ISOC1: variants seen among roughly 807,000 people sequenced by gnomAD.
The protein encoded by ISOC1 is isochorismatase domain containing 1, also known as isochorismatase domain-containing protein 1.
In ISOC1, 33 loss-of-function variants were observed where a neutral mutation model predicts 30.0. That is an observed-to-expected ratio of 1.10 (90% CI 0.83 to 1.47). The LOEUF (loss-of-function observed/expected upper bound fraction) is 1.47. Among genes scored for constraint, ISOC1 ranks in the 40% most tolerant of loss-of-function variants. ISOC1 has a pLI of 0.00. For synonymous variants in ISOC1, 178 were observed against 159.8 expected (o/e 1.11, Z -0.86); for missense variants, 372 against 388.0 (o/e 0.96, Z 0.35).
chr5:129,105,669 G>A (rs911488852), intron 3 of ISOC1, among the ~76,000 whole-genome samples: 1 of 152,120 alleles, frequency 6.6e-6, no homozygotes, highest in Non-Finnish European at 1.5e-5. Context: ...TTGAATGTAT[G>A]TAAGCTGATT....
intron 3 of ISOC1, 41 bp downstream of exon 3, chr5:129,105,429 T>C (rs1753624817): frequency 6.6e-7 from 1 of 1,509,818 alleles, no homozygotes. Flanking sequence ...ATATTATTTA[T>C]AGAAAACTCA....
chr5:129,095,517 T>G (rs1207821847), intron 1 of ISOC1, among the ~76,000 whole-genome samples: 9 of 152,174 alleles, frequency 5.9e-5, no homozygotes, highest in Non-Finnish European at 1.3e-4. Context: ...TTCCTAGAGT[T>G]GTGTTAACCA....
chr5:129,095,569 C>T (rs950662926), intron 1 of ISOC1, among the ~76,000 whole-genome samples: 6 of 152,344 alleles, frequency 3.9e-5, no homozygotes, highest in Admixed American at 6.5e-5. Context: ...CCATTCCCCC[C>T]CGCCTTCCCA....
chr5:129,106,040 A>G (rs1320725390), intron 3 of ISOC1, among the ~76,000 whole-genome samples: 1 of 152,188 alleles, frequency 6.6e-6, no homozygotes, highest in Non-Finnish European at 1.5e-5. Context: ...GTAGAAAGAT[A>G]TTTCCTCAGG....
At chr5:129,101,192 A>AAAATATATAT (rs1554064627) in intron 1 of ISOC1, among the ~76,000 whole-genome samples, 40 of 42,172 alleles carry the variant, frequency 9.5e-4, no homozygotes, top group Non-Finnish European at 1.1e-3. Flanking sequence ...AAAAAAAAAA[A>AAAATATATAT]ATATATATAT....
At chr5:129,101,479 A>G (rs1753571467) in intron 1 of ISOC1, among the ~76,000 whole-genome samples, 1 of 151,944 alleles carries the variant, frequency 6.6e-6, no homozygotes, top group Non-Finnish European at 1.5e-5. Flanking sequence ...TGGGCGACAG[A>G]GTGAGACTCT....
At chr5:129,102,508 A>T (rs555516257) in intron 1 of ISOC1, among the ~76,000 whole-genome samples, 2 of 151,946 alleles carry the variant, frequency 1.3e-5, no homozygotes, top group East Asian at 3.9e-4. Context: ...GGAGACCACA[A>T]CTCTGGATAT....
intron 4 of ISOC1, among the ~76,000 whole-genome samples, chr5:129,110,636 A>G (rs1312817467): frequency 6.6e-6 from 1 of 151,322 alleles, no homozygotes; most frequent in Non-Finnish European, 1.5e-5. Flanking sequence ...TACACTTCCC[A>G]CTCTGCCCCT....
intron 4 of ISOC1, among the ~76,000 whole-genome samples, chr5:129,111,893 T>C (rs1753714141): frequency 6.6e-6 from 1 of 152,202 alleles, no homozygotes; most frequent in African/African-American, 2.4e-5. Flanking sequence ...CCTTGAATTT[T>C]ACACTCTTGT....
rs1753615728 is a variant in ISOC1 at position 129,104,850 on chromosome 5, T to TA, written c.310-105dup. The TA allele has an allele frequency of 3.0e-5, 33 of 1,095,542 alleles. No homozygotes were observed. In the South Asian group the frequency reaches 5.3e-4, roughly 17 times the overall value. The allele number at this position is 1,095,542 out of a possible 1,614,324, so 67.9% of individuals were successfully genotyped here. A position where few individuals can be genotyped will look rare whatever the true frequency, so the allele number is the denominator to read the frequency against. Reference sequence around the variant, plus strand: ...TGGATAATAGCGGTAGAAATTGACTTACTGGCTCAAACAATAGGACCATTT... The same window carrying TA: ...TGGATAATAGCGGTAGAAATTGACTTAACTGGCTCAAACAATAGGACCATTT... On this transcript the variant is annotated intron_variant, in intron 1 of 4. Transcript: ENST00000173527.
rs1753619127 is a variant in ISOC1, at chr5:129,105,094, T to G, written c.429+19T>G. 6.2e-7 allele frequency: 1 copy of G among 1,613,768 alleles called. No individual in the cohort carries two copies. Among genetic ancestry groups the G allele is most frequent in the Non-Finnish European group, 8.5e-7 (1 of 1,179,726 alleles). On this transcript the variant is annotated intron_variant, in intron 2 of 4. Coordinates refer to ENST00000173527, the MANE Select transcript of ISOC1 (RefSeq NM_016048.2). ...GAGATTGGTATGCTTGTTTACTTAT[T>G]TGGTCATATTTGCTGAATCATCATA...
At chr5:129,098,199 C>T (rs1437447561) in intron 1 of ISOC1, among the ~76,000 whole-genome samples, 2 of 152,172 alleles carry the variant, frequency 1.3e-5, no homozygotes, top group African/African-American at 4.8e-5. Flanking sequence ...ACACTGCACC[C>T]GTGCTTGTTA....
chr5:129,112,608 A>G (rs1753722472), intron 4 of ISOC1, among the ~76,000 whole-genome samples: 2 of 152,088 alleles, frequency 1.3e-5, no homozygotes, highest in South Asian at 2.1e-4. Flanking sequence ...CATATATGTC[A>G]TAACTTTGGC....
chr5:129,112,052 G>A (rs1018880992), intron 4 of ISOC1, among the ~76,000 whole-genome samples: 1 of 152,144 alleles, frequency 6.6e-6, no homozygotes, highest in African/African-American at 2.4e-5. Flanking sequence ...TATGCTATAG[G>A]TCAGATGTTT....
At chr5:129,111,826 T>G (rs1753713098) in intron 4 of ISOC1, among the ~76,000 whole-genome samples, 2 of 152,132 alleles carry the variant, frequency 1.3e-5, no homozygotes, top group African/African-American at 4.8e-5. Flanking sequence ...GTATTATGAT[T>G]CCACTGGGGC....
chr5:129,106,461 A>G (rs892714238), intron 3 of ISOC1, among the ~76,000 whole-genome samples: 47 of 152,268 alleles, frequency 3.1e-4, no homozygotes, highest in African/African-American at 1.0e-3. Flanking sequence ...CCCGTGTCAT[A>G]AGTTATTTTT....
At chr5:129,106,278 AG>A (rs1441855986) in intron 3 of ISOC1, among the ~76,000 whole-genome samples, 9 of 152,318 alleles carry the variant, frequency 5.9e-5, no homozygotes, top group African/African-American at 2.2e-4. Context: ...GTGAAGATAA[AG>A]TTGACGTGGC....
Position 129,105,220 on chromosome 5 carries a change from T to A in ISOC1, c.465T>A (p.Ile155=). The change falls in exon 3 of 5, where the codon ATT becomes ATA. Residue 155 remains isoleucine (I), a synonymous_variant. Coordinates refer to ENST00000173527, the MANE Select transcript of ISOC1 (RefSeq NM_016048.2). ...QGARILGIPV[I]VTEQYPKGLG... is the part of the protein sequence containing the mutation. Reference sequence around the variant, plus strand: ...CCCGGATTTTAGGAATTCCTGTTATTGTAACAGAACAATACCCTAAAGGTC... The same window carrying A: ...CCCGGATTTTAGGAATTCCTGTTATAGTAACAGAACAATACCCTAAAGGTC... 1.2e-6 allele frequency: 2 copies of A among 1,613,872 alleles called. No homozygotes were observed.
intron 4 of ISOC1, among the ~76,000 whole-genome samples, chr5:129,109,557 CTGT>C (rs1313903990): frequency 9.9e-5 from 15 of 152,198 alleles, no homozygotes; most frequent in Admixed American, 9.2e-4. Flanking sequence ...GGGAAAGAAT[CTGT>C]TGTCTGGGGT....
Sources: gnomAD v4.1 joint callset for allele counts (sites outside exome capture counted in the v4.1 genomes callset) on GRCh38, gnomAD v4.1.1 for gene constraint, MANE v1.5 for transcripts, NCBI Gene and HGNC (gene_info 2026-07-23, HGNC 2026-07-21) for gene names.